The following WAC variants were observed in gnomAD, a reference collection of about 807,000 sequenced individuals.
WAC encodes the protein WW domain containing adaptor with coiled-coil.
Under a neutral mutation model 79.6 loss-of-function variants are expected in WAC, and 11 were observed. The observed-to-expected ratio is 0.14, with a 90% CI of 0.09 to 0.23. The LOEUF (loss-of-function observed/expected upper bound fraction) is 0.23. Ranked by LOEUF, WAC falls within the 10% of genes least tolerant of loss-of-function variation. WAC has a pLI of 1.00. For missense variants in WAC, 728 were observed against 773.5 expected, an observed-to-expected ratio of 0.94 and a Z score of 0.70; for synonymous variants, 304 against 276.9, an observed-to-expected ratio of 1.10 and a Z score of -0.97.
At chr10:28,534,360 CTTAT>C (rs1000398583) in intron 2 of WAC, 200 of 303,112 alleles carry the variant, frequency 6.6e-4, no homozygotes, top group East Asian at 9.6e-4. Context: ...ACTTACGAGG[CTTAT>C]TTATTTATTT....
intron 3 of WAC, among the ~76,000 whole-genome samples, chr10:28,539,773 G>A (rs543789148): frequency 5.1e-4 from 77 of 152,176 alleles, no homozygotes; most frequent in Non-Finnish European, 8.5e-4. Flanking sequence ...TGGCCAGGCT[G>A]GTCTCAATCT....
chr10:28,549,972 G>T (rs1250686348), intron 3 of WAC, among the ~76,000 whole-genome samples: 1 of 152,052 alleles, frequency 6.6e-6, no homozygotes, highest in Non-Finnish European at 1.5e-5. Context: ...AGACCAGCCA[G>T]GCCAAACATG....
At chr10:28,591,537 T>C (rs1378266037) in intron 6 of WAC, 1 of 152,200 alleles carries the variant, frequency 6.6e-6, no homozygotes, top group Non-Finnish European at 1.5e-5. Flanking sequence ...ATTAAAGGTA[T>C]TCTATTTCCA....
chr10:28,538,866 TAAAAA>T (rs5784069), intron 3 of WAC, among the ~76,000 whole-genome samples: 34 of 126,904 alleles, frequency 2.7e-4, no homozygotes, highest in African/African-American at 9.5e-4. Context: ...CCCGTCTGTT[TAAAAA>T]AAAAAAAAAA....
intron 3 of WAC, among the ~76,000 whole-genome samples, chr10:28,569,878 A>T (rs1054525812): frequency 2.0e-5 from 3 of 152,206 alleles, no homozygotes; most frequent in Non-Finnish European, 4.4e-5. Flanking sequence ...GTGTGGCAAT[A>T]TGTACTTTCC....
chr10:28,598,153 T>A (rs551889988), intron 7 of WAC, among the ~76,000 whole-genome samples: 2 of 152,336 alleles, frequency 1.3e-5, no homozygotes, highest in South Asian at 4.1e-4. Context: ...TAAATTGAAT[T>A]GTGTCGGCTC....
intron 3 of WAC, among the ~76,000 whole-genome samples, chr10:28,573,383 A>G (rs1839080264): frequency 6.6e-6 from 1 of 152,158 alleles, no homozygotes; most frequent in Admixed American, 6.5e-5. Context: ...ATATAAACTG[A>G]TTACACAGTA....
chr10:28,542,921 T>A (rs930437364), intron 3 of WAC, among the ~76,000 whole-genome samples: 4 of 152,242 alleles, frequency 2.6e-5, no homozygotes, highest in Non-Finnish European at 5.9e-5. Context: ...GAATATAAGC[T>A]CCACCAGAAG....
chr10:28,581,356 G>A (rs1839527575), intron 3 of WAC, among the ~76,000 whole-genome samples: 1 of 146,348 alleles, frequency 6.8e-6, no homozygotes, highest in Non-Finnish European at 1.5e-5. Flanking sequence ...TCAGTAGTCG[G>A]GACTAGTGCA....
intron 3 of WAC, among the ~76,000 whole-genome samples, chr10:28,552,127 A>G (rs1837713370): frequency 1.3e-5 from 2 of 152,136 alleles, no homozygotes. Flanking sequence ...TTGTATGTGT[A>G]TTGTAATAAT....
rs143312884 is a variant in WAC, at chr10:28,555,791, A to G, written c.274+20034A>G. On this transcript the variant is annotated intron_variant, in intron 3 of 13. Transcript: ENST00000354911. ...CCATGATGGCATTGGTGGCTTTGTAAGAAGAGGAAAAGAGACCTGAGCTTG... is the reference window on the plus strand; with the variant it reads ...CCATGATGGCATTGGTGGCTTTGTAGGAAGAGGAAAAGAGACCTGAGCTTG... Among the ~76,000 whole-genome samples, 313 of 152,290 alleles carry G rather than the reference A, an allele frequency of 2.1e-3. 2 individuals carry two copies. The highest frequency in any genetic ancestry group is 7.3e-3 in the African/African-American group (302 of 41,564).
At chr10:28,581,449 C>T (rs1465531488) in intron 3 of WAC, among the ~76,000 whole-genome samples, 1 of 151,958 alleles carries the variant, frequency 6.6e-6, no homozygotes, top group African/African-American at 2.4e-5. Flanking sequence ...AGTCTAGATT[C>T]CCACATGTCT....
intron 3 of WAC, among the ~76,000 whole-genome samples, chr10:28,575,075 T>A (rs1839174577): frequency 6.6e-6 from 1 of 152,214 alleles, no homozygotes; most frequent in Non-Finnish European, 1.5e-5. Flanking sequence ...TTTGTATATA[T>A]CTTCAACTAA....
intron 3 of WAC, among the ~76,000 whole-genome samples, chr10:28,540,608 G>A (rs568935680): frequency 1.3e-5 from 2 of 152,294 alleles, no homozygotes; most frequent in Admixed American, 1.3e-4. Flanking sequence ...TTAAAGACTT[G>A]TTTACGAAGT....
intron 3 of WAC, among the ~76,000 whole-genome samples, chr10:28,557,965 T>G (rs1282753433): frequency 6.6e-6 from 1 of 152,042 alleles, no homozygotes; most frequent in African/African-American, 2.4e-5. Context: ...TCCCAGCTAC[T>G]TGGGAGGCTG....
chr10:28,544,254 G>T (rs116760905), intron 3 of WAC, among the ~76,000 whole-genome samples: 3,262 of 152,200 alleles, frequency 0.021, 116 homozygotes, highest in African/African-American at 0.075. Context: ...TTTGCGTAGT[G>T]GATTAAACAA....
chr10:28,560,708 A>G (rs1838255466), intron 3 of WAC, among the ~76,000 whole-genome samples: 1 of 152,210 alleles, frequency 6.6e-6, no homozygotes, highest in African/African-American at 2.4e-5. Flanking sequence ...ACACATGTAA[A>G]TATTTTTGGC....
intron 7 of WAC, among the ~76,000 whole-genome samples, chr10:28,603,418 C>A (rs1047939871): frequency 6.6e-6 from 1 of 152,152 alleles, no homozygotes; most frequent in Non-Finnish European, 1.5e-5. Context: ...CTGATATATT[C>A]TTCAAGCGCA....
intron 3 of WAC, among the ~76,000 whole-genome samples, chr10:28,567,446 C>T (rs1041970418): frequency 7.9e-5 from 12 of 152,172 alleles, no homozygotes; most frequent in Admixed American, 5.2e-4. Flanking sequence ...AAGGAAAGAG[C>T]TATGAAAGGC....
Sources: allele counts gnomAD v4.1 joint callset (sites outside exome capture counted in the v4.1 genomes callset), GRCh38; gene constraint gnomAD v4.1.1; transcripts MANE v1.5; gene names NCBI Gene and HGNC (gene_info 2026-07-23, HGNC 2026-07-21).